SPON1: variants seen among roughly 807,000 people sequenced by gnomAD.
SPON1 encodes the protein spondin 1.
SPON1 carries 52 observed loss-of-function variants against 111.7 expected under a neutral mutation model. The observed-to-expected ratio is 0.47, with a 90% CI of 0.37 to 0.59. The LOEUF is 0.59. Among genes scored for constraint, SPON1 ranks in the 20% least tolerant of loss-of-function variants. SPON1 has a pLI of 0.00. For synonymous variants in SPON1, 410 were observed against 395.8 expected (o/e 1.04, Z -0.43); for missense variants, 957 against 1,068.5 (o/e 0.90, Z 1.46).
At chr11:14,226,289 C>T (rs1235414729) in intron 6 of SPON1, among the ~76,000 whole-genome samples, 6 of 152,182 alleles carry the variant, frequency 3.9e-5, no homozygotes, top group Non-Finnish European at 1.5e-5. Context: ...GCCTCTTTAC[C>T]CACCATGGGG....
At chr11:13,982,025 C>T (rs955571038) in intron 1 of SPON1, among the ~76,000 whole-genome samples, 31 of 152,088 alleles carry the variant, frequency 2.0e-4, no homozygotes, top group Non-Finnish European at 5.9e-5. Context: ...AAACTGTGGT[C>T]CAAAACTATC....
chr11:14,209,774 C>T (rs1292747294), intron 6 of SPON1, among the ~76,000 whole-genome samples: 1 of 152,160 alleles, frequency 6.6e-6, no homozygotes, highest in African/African-American at 2.4e-5. Context: ...TGGGTATATA[C>T]CCAGTAATGG....
chr11:14,164,183 A>G (rs1300298786), intron 6 of SPON1, among the ~76,000 whole-genome samples: 4 of 152,204 alleles, frequency 2.6e-5, no homozygotes, highest in Non-Finnish European at 4.4e-5. Context: ...CACATAGCCT[A>G]TATCCAAGAT....
chr11:14,149,303 A>G (rs548452230), intron 6 of SPON1, among the ~76,000 whole-genome samples: 1 of 152,074 alleles, frequency 6.6e-6, no homozygotes, highest in Admixed American at 6.5e-5. Flanking sequence ...CTTTTAACAA[A>G]AAAGTTTAAA....
intron 2 of SPON1, among the ~76,000 whole-genome samples, chr11:14,032,588 A>G (rs1848567257): frequency 6.6e-6 from 1 of 152,160 alleles, no homozygotes; most frequent in Non-Finnish European, 1.5e-5. Context: ...ATCAAGCAAG[A>G]TGGATATTAT....
intron 6 of SPON1, among the ~76,000 whole-genome samples, chr11:14,194,656 T>C (rs1554934896): frequency 6.6e-6 from 1 of 152,164 alleles, no homozygotes; most frequent in African/African-American, 2.4e-5. Flanking sequence ...AAGACATTTA[T>C]TTTGTCTTCT....
At chr11:14,170,429 T>C (rs1342569142) in intron 6 of SPON1, among the ~76,000 whole-genome samples, 2 of 152,248 alleles carry the variant, frequency 1.3e-5, no homozygotes, top group Non-Finnish European at 2.9e-5. Flanking sequence ...TATATAATCA[T>C]GTCATCTGCA....
At chr11:14,221,727 C>T (rs1848683398) in intron 6 of SPON1, among the ~76,000 whole-genome samples, 1 of 152,132 alleles carries the variant, frequency 6.6e-6, no homozygotes, top group African/African-American at 2.4e-5. Context: ...CTCTGCTCCC[C>T]CCATCTTCAC....
At chr11:14,202,457 A>C (rs1484894244) in intron 6 of SPON1, among the ~76,000 whole-genome samples, 1 of 152,188 alleles carries the variant, frequency 6.6e-6, no homozygotes, top group African/African-American at 2.4e-5. Context: ...AGTAGTGCCC[A>C]GTGAATATGT....
At chr11:14,175,260 T>A (rs1204173959) in intron 6 of SPON1, among the ~76,000 whole-genome samples, 4 of 152,176 alleles carry the variant, frequency 2.6e-5, no homozygotes, top group Non-Finnish European at 5.9e-5. Flanking sequence ...TCACAAAAAA[T>A]TTTTAGGACT....
intron 2 of SPON1, among the ~76,000 whole-genome samples, chr11:14,035,614 CTTTT>C (rs57790720): frequency 1.5e-5 from 2 of 132,284 alleles, no homozygotes; most frequent in Admixed American, 7.7e-5. Context: ...ACACTTAGTT[CTTTT>C]TTTTTTTTTT....
chr11:14,201,751 A>G (rs186152864), intron 6 of SPON1, among the ~76,000 whole-genome samples: 51 of 152,328 alleles, frequency 3.3e-4, no homozygotes, highest in Middle Eastern at 3.4e-3. Flanking sequence ...ACACATAAGT[A>G]TTTAATGTAT....
chr11:14,195,572 T>C (rs1434802719), intron 6 of SPON1, among the ~76,000 whole-genome samples: 1 of 152,180 alleles, frequency 6.6e-6, no homozygotes, highest in Non-Finnish European at 1.5e-5. Flanking sequence ...GGTCCTATAC[T>C]TGGGCCTGGA....
rs140341780 is a variant in SPON1 at position 14,044,660 on chromosome 11, G to C, written c.479+3006G>C. Among the ~76,000 whole-genome samples the C allele has an allele frequency of 3.8e-3, 585 of 152,162 alleles. 3 individuals carry two copies. The highest frequency in any genetic ancestry group is 0.013 in the African/African-American group (553 of 41,518). On this transcript the variant is annotated intron_variant, in intron 3 of 15. Coordinates refer to ENST00000576479, the MANE Select transcript of SPON1 (RefSeq NM_006108.4). ...ATCCATAGCATCTCTCTCAATTCCA[G>C]TTTTCTACACAAAGGCAATAATAGA...
In SPON1 at chr11:13,982,715, G is replaced by T. The variant is rs1374844599; in HGVS notation, c.239-132G>T. On this transcript the variant is annotated intron_variant, in intron 1 of 15. Transcript: ENST00000576479. ...AGAGTTCTCACCTCAATGGATGAAG[G>T]CCTCAACACTGTCCACGGCCTCTGT... 6.2e-6 allele frequency: 4 copies of T among 643,536 alleles called. No individual in the cohort carries two copies. In the Admixed American group the frequency reaches 1.0e-4, roughly 17 times the overall value. The allele number at this position is 643,536 out of a possible 1,614,324, so 39.9% of individuals were successfully genotyped here. A position where few individuals can be genotyped will look rare whatever the true frequency, so the allele number is the denominator to read the frequency against.
chr11:14,218,554 G>C (rs576079557), intron 6 of SPON1, among the ~76,000 whole-genome samples: 7 of 152,332 alleles, frequency 4.6e-5, no homozygotes, highest in South Asian at 4.1e-4. Flanking sequence ...TGAATGAAGT[G>C]TCAGCCCCAA....
intron 6 of SPON1, among the ~76,000 whole-genome samples, chr11:14,178,718 C>T (rs1274491401): frequency 6.6e-6 from 1 of 152,200 alleles, no homozygotes; most frequent in African/African-American, 2.4e-5. Flanking sequence ...GTAAAAAGCA[C>T]TAAAGTGTCA....
At chr11:14,035,746 T>C (rs1008343278) in intron 2 of SPON1, among the ~76,000 whole-genome samples, 5 of 151,948 alleles carry the variant, frequency 3.3e-5, no homozygotes, top group Non-Finnish European at 7.4e-5. Context: ...GCCTCCCAAG[T>C]AGCTGAGACC....
intron 2 of SPON1, among the ~76,000 whole-genome samples, chr11:13,993,334 T>C (rs1169452712): frequency 4.0e-5 from 6 of 151,720 alleles, no homozygotes; most frequent in Admixed American, 3.9e-4. Context: ...TGGCACACAC[T>C]AGATGTCAGA....
Sources: allele counts gnomAD v4.1 joint callset (sites outside exome capture counted in the v4.1 genomes callset), GRCh38; gene constraint gnomAD v4.1.1; transcripts MANE v1.5; gene names NCBI Gene and HGNC (gene_info 2026-07-23, HGNC 2026-07-21).